The following CHCHD3 variants were observed in gnomAD, a reference collection of about 807,000 sequenced individuals.
CHCHD3 encodes the protein MICOS complex subunit MIC19.
CHCHD3 carries 20 observed loss-of-function variants against 38.2 expected under a neutral mutation model. That is an observed-to-expected ratio of 0.52 (90% CI 0.37 to 0.76). CHCHD3 has a LOEUF of 0.76. Ranked by LOEUF, CHCHD3 falls within the 30% of genes least tolerant of loss-of-function variation. CHCHD3 has a pLI of 0.00. For missense variants in CHCHD3, 245 were observed against 279.2 expected (o/e 0.88, Z 0.87); for synonymous variants, 82 against 100.0 (o/e 0.82, Z 1.07).
In CHCHD3 at chr7:132,796,596, A is replaced by G. The variant is rs1422931170; in HGVS notation, c.525-19T>C. On this transcript the variant is annotated intron_variant, in intron 6 of 7. Coordinates refer to ENST00000262570, the MANE Select transcript of CHCHD3 (RefSeq NM_017812.4). Reference sequence around the variant, plus strand: ...ATATCGCCTGAAAACAAACACAGGGACCGCTGAGACCAATGGTCTTCATTC... The same window carrying G: ...ATATCGCCTGAAAACAAACACAGGGGCCGCTGAGACCAATGGTCTTCATTC... 4 of 1,611,938 alleles carry G rather than the reference A, an allele frequency of 2.5e-6. No homozygotes were observed. In the African/African-American group the frequency reaches 5.3e-5, roughly 22 times the overall value.
At chr7:132,996,648 A>G (rs1812424296) in intron 3 of CHCHD3, among the ~76,000 whole-genome samples, 1 of 152,176 alleles carries the variant, frequency 6.6e-6, no homozygotes, top group Non-Finnish European at 1.5e-5. Context: ...CAGTCCCCCA[A>G]ATTGAATCGT....
intron 2 of CHCHD3, among the ~76,000 whole-genome samples, chr7:133,030,290 G>A (rs1382937530): frequency 6.6e-6 from 1 of 152,166 alleles, no homozygotes; most frequent in Non-Finnish European, 1.5e-5. Context: ...GACCCAAAGT[G>A]CATGAGGGAA....
At chr7:132,805,161 T>C (rs933323797) in intron 6 of CHCHD3, among the ~76,000 whole-genome samples, 7 of 152,172 alleles carry the variant, frequency 4.6e-5, no homozygotes, top group African/African-American at 1.4e-4. Flanking sequence ...GAGAGAATAC[T>C]AAATACTCCC....
intron 3 of CHCHD3, among the ~76,000 whole-genome samples, chr7:133,008,019 T>C (rs191054167): frequency 1.3e-5 from 2 of 152,308 alleles, no homozygotes; most frequent in East Asian, 3.9e-4. Context: ...ATATCTGTTA[T>C]GTTGGGGGAA....
intron 4 of CHCHD3, among the ~76,000 whole-genome samples, chr7:132,946,635 A>T (rs1016361135): frequency 6.6e-6 from 1 of 151,850 alleles, no homozygotes; most frequent in Non-Finnish European, 1.5e-5. Flanking sequence ...TAGAGTATAA[A>T]TATATTGGTT....
At chr7:132,815,953 G>T (rs1807191903) in intron 6 of CHCHD3, among the ~76,000 whole-genome samples, 1 of 152,180 alleles carries the variant, frequency 6.6e-6, no homozygotes, top group Non-Finnish European at 1.5e-5. Context: ...CCTTTTCAAT[G>T]AAATACTGCA....
intron 3 of CHCHD3, among the ~76,000 whole-genome samples, chr7:133,001,689 T>C (rs1015569345): frequency 3.3e-5 from 5 of 151,994 alleles, no homozygotes; most frequent in Non-Finnish European, 2.9e-5. Flanking sequence ...TCCATTTTCA[T>C]CAACAAAGAG....
intron 4 of CHCHD3, among the ~76,000 whole-genome samples, chr7:132,952,766 C>T (rs1318580835): frequency 3.3e-5 from 5 of 152,220 alleles, no homozygotes; most frequent in African/African-American, 9.6e-5. Context: ...AAACCAAATG[C>T]TCATTACCTA....
chr7:132,803,918 A>G (rs932569197), intron 6 of CHCHD3, among the ~76,000 whole-genome samples: 1 of 150,540 alleles, frequency 6.6e-6, no homozygotes, highest in Admixed American at 6.6e-5. Flanking sequence ...AGAAATGGGG[A>G]GTTCAAGGCT....
chr7:133,082,044 G>T lies in CHCHD3; in HGVS notation c.-107C>A. 9.5e-7 allele frequency: 1 copy of T among 1,051,160 alleles called. No homozygotes were observed. The highest frequency in any genetic ancestry group is 1.7e-5 in the South Asian group (1 of 59,978). The allele number at this position is 1,051,160 out of a possible 1,614,324, so 65.1% of individuals were successfully genotyped here. ...GGCCTGGATTCTTTTCCCGCACAGC[G>T]GGAGCAAGGCCACGACCCCCAGAAG... On this transcript the variant is annotated 5_prime_UTR_variant, in exon 1 of 8. Transcript: ENST00000262570.
intron 7 of CHCHD3, 106 bp downstream of exon 7, chr7:132,796,336 A>G: frequency 7.9e-7 from 1 of 1,269,840 alleles, no homozygotes; most frequent in Non-Finnish European, 1.1e-6. Flanking sequence ...ACTAGGGCTT[A>G]GAAAGCTTTT....
chr7:133,075,797 C>T (rs141046255), intron 1 of CHCHD3, among the ~76,000 whole-genome samples: 3,903 of 152,224 alleles, frequency 0.026, 147 homozygotes, highest in African/African-American at 0.082. Flanking sequence ...TGGTGGCTCA[C>T]GCCTATAATC....
chr7:132,819,876 G>A (rs963728463), intron 6 of CHCHD3, among the ~76,000 whole-genome samples: 3 of 152,166 alleles, frequency 2.0e-5, no homozygotes, highest in African/African-American at 4.8e-5. Context: ...GCGTGAGTGC[G>A]GAAGGCCTTC....
At chr7:133,020,723 A>G (rs899621694) in intron 3 of CHCHD3, among the ~76,000 whole-genome samples, 6 of 152,208 alleles carry the variant, frequency 3.9e-5, no homozygotes, top group Non-Finnish European at 8.8e-5. Flanking sequence ...GAAAAATTCC[A>G]GGAATAAGAG....
intron 2 of CHCHD3, among the ~76,000 whole-genome samples, chr7:133,068,497 C>G (rs955196480): frequency 6.6e-6 from 1 of 152,216 alleles, no homozygotes; most frequent in Non-Finnish European, 1.5e-5. Flanking sequence ...GCAGCTCAGA[C>G]TATATTCTGT....
At chr7:132,984,812 A>T (rs1425271731) in intron 3 of CHCHD3, among the ~76,000 whole-genome samples, 1 of 135,818 alleles carries the variant, frequency 7.4e-6, no homozygotes, top group Non-Finnish European at 1.6e-5. Flanking sequence ...GGAAGTGAGG[A>T]GCGTCTCCGC....
intron 5 of CHCHD3, among the ~76,000 whole-genome samples, chr7:132,857,600 G>T (rs1172364475): frequency 6.6e-6 from 1 of 151,988 alleles, no homozygotes; most frequent in Non-Finnish European, 1.5e-5. Context: ...TAGAGATGGG[G>T]TTTCACCATG....
At chr7:132,964,757 G>A (rs1811415208) in intron 4 of CHCHD3, among the ~76,000 whole-genome samples, 1 of 152,120 alleles carries the variant, frequency 6.6e-6, no homozygotes, top group African/African-American at 2.4e-5. Flanking sequence ...CTTGACGAAA[G>A]TGTACAAATA....
At chr7:132,843,903 AAAG>A (rs1808004900) in intron 5 of CHCHD3, among the ~76,000 whole-genome samples, 1 of 152,240 alleles carries the variant, frequency 6.6e-6, no homozygotes, top group African/African-American at 2.4e-5. Flanking sequence ...TCCTATTTCC[AAAG>A]AAGATGTGTA....
Sources: allele counts gnomAD v4.1 joint callset (sites outside exome capture counted in the v4.1 genomes callset), GRCh38; gene constraint gnomAD v4.1.1; transcripts MANE v1.5; gene names NCBI Gene and HGNC (gene_info 2026-07-23, HGNC 2026-07-21).